The following GLIPR2 variants were observed in gnomAD, a reference collection of about 807,000 sequenced individuals.
The protein encoded by GLIPR2 is Golgi-associated plant pathogenesis-related protein 1.
GLIPR2 carries 21 observed loss-of-function variants against 20.4 expected under a neutral mutation model. That is an observed-to-expected ratio of 1.03 (90% CI 0.73 to 1.48). GLIPR2 has a LOEUF of 1.48. Ranked by LOEUF, GLIPR2 falls within the 40% of genes most tolerant of loss-of-function variation. The pLI is 0.00. For missense variants in GLIPR2, 205 were observed against 200.1 expected (o/e 1.02, Z -0.15); for synonymous variants, 91 against 80.5 (o/e 1.13, Z -0.70).
intron 1 of GLIPR2, among the ~76,000 whole-genome samples, chr9:36,141,407 C>T (rs1825071794): frequency 6.6e-6 from 1 of 151,716 alleles, no homozygotes; most frequent in Non-Finnish European, 1.5e-5. Flanking sequence ...ACAAGCAAAA[C>T]CAGCTTTGCC....
chr9:36,150,398 G>A (rs1259329652), intron 3 of GLIPR2, among the ~76,000 whole-genome samples: 2 of 152,226 alleles, frequency 1.3e-5, no homozygotes, highest in African/African-American at 4.8e-5. Flanking sequence ...CCTGCCCACA[G>A]TGGAGATCCG....
chr9:36,156,359 C>T (rs1425871919), intron 4 of GLIPR2, among the ~76,000 whole-genome samples: 1 of 135,378 alleles, frequency 7.4e-6, no homozygotes, highest in East Asian at 2.1e-4. Context: ...GGCACTCCAG[C>T]CTGGACAACA....
At chr9:36,149,509 C>T (rs1461918821) in intron 3 of GLIPR2, among the ~76,000 whole-genome samples, 1 of 152,250 alleles carries the variant, frequency 6.6e-6, no homozygotes, top group Admixed American at 6.5e-5. Context: ...CTGCAGGCTC[C>T]TTCCCAAGTC....
upstream of GLIPR2, chr9:36,136,639 C>T (rs1181330881): frequency 3.4e-6 from 2 of 582,430 alleles, no homozygotes; most frequent in East Asian, 3.9e-5. This position sits in a 1 kb window ranked among gnomAD's most constrained non-coding sequence, Gnocchi z 4.3. Context: ...CCTCAGCTGT[C>T]GCTCCTTATA....
In GLIPR2 at chr9:36,147,780, T is replaced by C. The variant is rs142093194; in HGVS notation, c.14-6T>C. The C allele has an allele frequency of 1.9e-4, 250 of 1,336,038 alleles. 5 individuals are homozygous for C. The East Asian group carries it at 5.7e-3, about 30-fold the overall frequency. The allele number at this position is 1,336,038 out of a possible 1,614,324, so 82.8% of individuals were successfully genotyped here. On this transcript the variant is annotated splice_region_variant and splice_polypyrimidine_tract_variant and intron_variant, in intron 1 of 4. Transcript: ENST00000377960. ...TGAGCCATTCTCCATTTTGCAATCA[T>C]TCCAGCTTCCAAACAGTTTCATAAT...
chr9:36,152,750 CAAAAAAAAAAAAAAAAA>C (rs1217889590), intron 4 of GLIPR2, among the ~76,000 whole-genome samples: 5 of 41,632 alleles, frequency 1.2e-4, no homozygotes, highest in Non-Finnish European at 2.0e-4. Flanking sequence ...AACTCTGTCT[CAAAAAAAAAAAAAAAAA>C]AAAAAAAAGG....
Position 36,148,530 on chromosome 9 carries a change from C to A in GLIPR2, c.123-17C>A. ...CTGAACTGCACCTGCTCTGAGGAGG[C>A]GCTGTGAACTCTGCAGGTATTCTGA... On this transcript the variant is annotated splice_polypyrimidine_tract_variant and intron_variant, in intron 2 of 4. Coordinates refer to ENST00000377960, the MANE Select transcript of GLIPR2 (RefSeq NM_022343.4). 1 of 1,589,994 alleles carries A rather than the reference C, an allele frequency of 6.3e-7. No individual in the cohort carries two copies. The highest frequency in any genetic ancestry group is 8.6e-7 in the Non-Finnish European group (1 of 1,158,586).
intron 3 of GLIPR2, among the ~76,000 whole-genome samples, 194 bp from the exon 4 acceptor site, chr9:36,150,678 C>T (rs1158958324): frequency 6.6e-6 from 1 of 152,214 alleles, no homozygotes; most frequent in Non-Finnish European, 1.5e-5. Flanking sequence ...AAGGCCCACT[C>T]TTCAGCCTGG....
At chr9:36,150,035 C>A (rs576783940) in intron 3 of GLIPR2, among the ~76,000 whole-genome samples, 1 of 152,238 alleles carries the variant, frequency 6.6e-6, no homozygotes, top group East Asian at 1.9e-4. Flanking sequence ...TCTCAGAAAA[C>A]AAAACAAACC....
intron 2 of GLIPR2, among the ~76,000 whole-genome samples, chr9:36,148,317 A>G (rs928808956): frequency 6.6e-6 from 1 of 151,518 alleles, no homozygotes; most frequent in African/African-American, 2.4e-5. Context: ...ATATAACCAC[A>G]CTTGAATAAC....
chr9:36,136,682 C>A, upstream of GLIPR2: 1 of 920,904 alleles, frequency 1.1e-6, no homozygotes, highest in African/African-American at 1.7e-5. This position sits in a 1 kb window ranked among gnomAD's most constrained non-coding sequence, Gnocchi z 4.3. Flanking sequence ...GAGGAGGGGC[C>A]GCGGCATCAG....
intron 1 of GLIPR2, among the ~76,000 whole-genome samples, chr9:36,145,434 A>G (rs1434985717): frequency 6.6e-6 from 1 of 152,182 alleles, no homozygotes; most frequent in Non-Finnish European, 1.5e-5. Flanking sequence ...TCCCTTCCGT[A>G]TGGGAGCTCT....
chr9:36,144,465 G>A (rs2132724360), intron 1 of GLIPR2: 2 of 152,186 alleles, frequency 1.3e-5, no homozygotes, highest in Admixed American at 1.3e-4. Flanking sequence ...CTCCACTGTA[G>A]ACCTGAAATC....
chr9:36,141,570 G>A (rs957392504), intron 1 of GLIPR2, among the ~76,000 whole-genome samples: 1 of 152,198 alleles, frequency 6.6e-6, no homozygotes, highest in African/African-American at 2.4e-5. Flanking sequence ...GAGGCCTCAG[G>A]AGAGGAGGAA....
intron 1 of GLIPR2, among the ~76,000 whole-genome samples, chr9:36,142,747 G>A (rs927236833): frequency 3.3e-5 from 5 of 152,046 alleles, no homozygotes; most frequent in African/African-American, 1.2e-4. Context: ...GGTTTTTCTC[G>A]GTGGGGGTAG....
chr9:36,136,861 C>T lies in GLIPR2; in HGVS notation c.13+70C>T, dbSNP rs1186346422. On this transcript the variant is annotated intron_variant, in intron 1 of 4. Coordinates refer to ENST00000377960, the MANE Select transcript of GLIPR2 (RefSeq NM_022343.4). The surrounding 1 kb of genome is among the most constrained non-coding windows in gnomAD (Gnocchi z 4.3). ...CGCTCCCGGACCTCGCCGTCTCCCT[C>T]GTCCGCCGCAAGCCAGGTCCTGGGG... is the stretch of plus-strand genomic sequence containing the variant. 1.8e-5 allele frequency: 22 copies of T among 1,255,374 alleles called. No homozygotes were observed. The South Asian group carries it at 5.0e-4, about 28-fold the overall frequency. 77.8% of individuals were successfully genotyped at this position (1,255,374 alleles called of 1,614,324 possible). A position where few individuals can be genotyped will look rare whatever the true frequency, so the allele number is the denominator to read the frequency against.
chr9:36,162,472 G>A lies in GLIPR2; in HGVS notation c.415G>A (p.Val139Ile), dbSNP rs991314626. Residue 139 changes from valine (V) to isoleucine (I), a missense_variant, in exon 5 of 5, where the codon GTT becomes ATT. Coordinates refer to ENST00000377960, the MANE Select transcript of GLIPR2 (RefSeq NM_022343.4). ...GGCCAGATACTTCCCAGCGGGGAAT[G>A]TTGTCAATGAGGGCTTCTTCGAAGA... is the stretch of plus-strand genomic sequence containing the variant. ...VVARYFPAGN[V>I]VNEGFFEENV... is the part of the protein sequence containing the mutation. The A allele has an allele frequency of 1.1e-5, 17 of 1,614,064 alleles. No homozygotes were observed. Among genetic ancestry groups the A allele is most frequent in the Non-Finnish European group, 1.4e-5 (16 of 1,180,056 alleles).
intron 4 of GLIPR2, 115 bp downstream of exon 4, chr9:36,151,064 T>C: frequency 1.4e-6 from 1 of 730,714 alleles, no homozygotes. Context: ...TCCTGTTTAA[T>C]CTCTTCCATA....
chr9:36,154,388 A>C (rs1186589529), intron 4 of GLIPR2, among the ~76,000 whole-genome samples: 1 of 152,098 alleles, frequency 6.6e-6, no homozygotes, highest in African/African-American at 2.4e-5. Context: ...TGTGTGTATA[A>C]ATGTTCTCTT....
Sources: allele counts gnomAD v4.1 joint callset (sites outside exome capture counted in the v4.1 genomes callset), GRCh38; gene constraint gnomAD v4.1.1; non-coding constraint Gnocchi (gnomAD v3.1); transcripts MANE v1.5; gene names NCBI Gene and HGNC (gene_info 2026-07-23, HGNC 2026-07-21).